FNDC1: variants seen among roughly 807,000 people sequenced by gnomAD.
FNDC1 encodes fibronectin type III domain-containing protein 1.
In FNDC1, 96 loss-of-function variants were observed where a neutral mutation model predicts 168.0. That is an observed-to-expected ratio of 0.57 (90% CI 0.48 to 0.68). The LOEUF (loss-of-function observed/expected upper bound fraction) is 0.68, where lower values mean the gene tolerates loss of function less well. Among genes scored for constraint, FNDC1 ranks in the 30% least tolerant of loss-of-function variants. The probability of loss-of-function intolerance (pLI) is 0.00; values close to 1 mark genes in which losing one functional copy is unlikely to be tolerated. For synonymous variants in FNDC1, 1,099 were observed against 1,025.9 expected, an observed-to-expected ratio of 1.07 and a Z score of -1.36; for missense variants, 2,587 against 2,482.1, an observed-to-expected ratio of 1.04 and a Z score of -0.90.
chr6:159,231,868 A>G lies in FNDC1; in HGVS notation c.1370-14A>G, dbSNP rs996733778. ...TTTCTTCTTTGACAGGCAATTCTTT[A>G]AAATCTGTTGCAGCCAGTAAGGCGG... On this transcript the variant is annotated splice_polypyrimidine_tract_variant and intron_variant, in intron 10 of 22. Transcript: ENST00000297267. 3.3e-5 allele frequency: 51 copies of G among 1,568,350 alleles called. No homozygotes were observed. The highest frequency in any genetic ancestry group is 4.3e-5 in the Non-Finnish European group (50 of 1,162,708).
intron 1 of FNDC1, among the ~76,000 whole-genome samples, chr6:159,175,109 G>T (rs569215135): frequency 7.2e-5 from 11 of 152,238 alleles, no homozygotes; most frequent in African/African-American, 2.4e-4. Flanking sequence ...TGGACGAAAT[G>T]ATTTAATTAT....
At chr6:159,253,115 A>C (rs951787628) in intron 17 of FNDC1, among the ~76,000 whole-genome samples, 7 of 152,176 alleles carry the variant, frequency 4.6e-5, no homozygotes, top group Admixed American at 6.5e-5. Flanking sequence ...CCCACCCTGC[A>C]CCTCATCTGA....
intron 1 of FNDC1, among the ~76,000 whole-genome samples, chr6:159,185,070 G>GGGA (rs1562628724): frequency 8.9e-6 from 1 of 112,378 alleles, no homozygotes; most frequent in East Asian, 3.4e-4. Context: ...TGGAGGGTGG[G>GGGA]GGGGGGGGAA....
At position 159,229,967 on chromosome 6, in the gene FNDC1, C is replaced by A. The variant is rs761112172; in HGVS notation, c.1333C>A (p.Pro445Thr). ...IRATNRRGLG[P>T]HSKAFIVAMP... The stretch of plus-strand genomic sequence containing the variant: ...GGCCACAAACAGGAGAGGCCTGGGA[C>A]CTCACTCCAAAGCCTTCATTGTCGC... The change falls in exon 10 of 23, where the codon CCT (proline) becomes ACT (threonine). Residue 445 changes from proline to threonine, a missense_variant. Pro to Thr is a conservative substitution (Grantham distance 38). Transcript: ENST00000297267. 2 of 1,613,880 alleles carry A rather than the reference C, an allele frequency of 1.2e-6. No individual in the cohort carries two copies. Among genetic ancestry groups the A allele is most frequent in the East Asian group, 2.2e-5 (1 of 44,886 alleles).
intron 6 of FNDC1, among the ~76,000 whole-genome samples, chr6:159,223,012 T>C (rs57496524): frequency 0.056 from 7,993 of 142,260 alleles, 785 homozygotes; most frequent in African/African-American, 0.19. Flanking sequence ...TTTTTTTTTT[T>C]GAGGTGGAGT....
At position 159,233,729 on chromosome 6, in the gene FNDC1, G is replaced by A; in HGVS notation, c.3217G>A (p.Glu1073Lys). 2.6e-6 allele frequency: 4 copies of A among 1,549,910 alleles called. No individual in the cohort carries two copies. Among genetic ancestry groups the A allele is most frequent in the East Asian group, 2.4e-5 (1 of 40,890 alleles). Residue 1073 changes from glutamate (E) to lysine (K), a missense_variant, in exon 11 of 23, where the codon GAG becomes AAG. Physicochemically the swap from Glu to Lys is moderately conservative, Grantham distance 56. Coordinates refer to ENST00000297267, the MANE Select transcript of FNDC1 (RefSeq NM_032532.3). This position sits in a 1 kb window ranked among gnomAD's most constrained non-coding sequence, Gnocchi z 4.6. Reference protein sequence around the residue: ...MLPTALQNQDEDAQGSYDDDS... With the variant: ...MLPTALQNQDKDAQGSYDDDS... ...CCCCACGGCCCTCCAGAACCAGGAC[G>A]AGGATGCCCAGGGCAGCTACGACGA...
At chr6:159,258,566 C>T (rs954067101) in intron 18 of FNDC1, among the ~76,000 whole-genome samples, 2 of 152,136 alleles carry the variant, frequency 1.3e-5, no homozygotes, top group African/African-American at 4.8e-5. Context: ...TGAGGAGAGG[C>T]GGGACAGACA....
At chr6:159,246,827 C>T (rs1777146324) in intron 14 of FNDC1, 74 bp from the exon 15 acceptor site, 4 of 1,040,296 alleles carry the variant, frequency 3.8e-6, no homozygotes, top group Non-Finnish European at 6.1e-6. Context: ...AATTGTCACG[C>T]TCTGGGGCCT....
intron 10 of FNDC1, 74 bp from the exon 11 acceptor site, chr6:159,231,808 A>T (rs560990): frequency 0.16 from 210,549 of 1,304,382 alleles, 21,567 homozygotes; most frequent in African/African-American, 0.41. Context: ...ATGCTGTTTT[A>T]AATACTGTGT....
rs956738359 is a variant in FNDC1, at chr6:159,246,760, A to G, written c.4622-141A>G. On this transcript the variant is annotated intron_variant, in intron 14 of 22. Coordinates refer to ENST00000297267, the MANE Select transcript of FNDC1 (RefSeq NM_032532.3). ...TGCTTTGATGATTTTCCTCCTGAAAAAATTATGGAGACCCTGGCCTTGGGG... is the reference window on the plus strand; with the variant it reads ...TGCTTTGATGATTTTCCTCCTGAAAGAATTATGGAGACCCTGGCCTTGGGG... The G allele has an allele frequency of 1.1e-5, 7 of 615,818 alleles. No individual in the cohort carries two copies. The African/African-American group carries it at 1.3e-4, about 11-fold the overall frequency. 38.1% of individuals were successfully genotyped at this position (615,818 alleles called of 1,614,324 possible). A position where few individuals can be genotyped will look rare whatever the true frequency, so the allele number is the denominator to read the frequency against.
chr6:159,232,509 C>T lies in FNDC1; in HGVS notation c.1997C>T (p.Pro666Leu). The change falls in exon 11 of 23, where the codon CCC (proline) becomes CTC (leucine). Residue 666 changes from proline to leucine, a missense_variant. By Grantham distance (98) the Pro-to-Leu change is moderately conservative. Transcript: ENST00000297267. The surrounding 1 kb of genome is among the most constrained non-coding windows in gnomAD (Gnocchi z 4.9). ...CACCCCAAGGGCGCCTTCGCCCAGC[C>T]CCGGCCAGCCCTGTCCCCCAGCCGC... ...SLHPKGAFAQ[P>L]RPALSPSRQS... 1.9e-6 allele frequency: 3 copies of T among 1,612,240 alleles called. No homozygotes were observed. Among genetic ancestry groups the T allele is most frequent in the South Asian group, 2.2e-5 (2 of 90,914 alleles).
intron 1 of FNDC1, among the ~76,000 whole-genome samples, chr6:159,191,586 A>G (rs1328657532): frequency 6.6e-6 from 1 of 152,252 alleles, no homozygotes; most frequent in African/African-American, 2.4e-5. Flanking sequence ...TACAACGATT[A>G]TGTGAGTGGT....
At chr6:159,171,985 C>G (rs1022585164) in intron 1 of FNDC1, among the ~76,000 whole-genome samples, 2 of 152,174 alleles carry the variant, frequency 1.3e-5, no homozygotes, top group Non-Finnish European at 2.9e-5. Flanking sequence ...CTGCGGGTGT[C>G]TTACTGAGAA....
chr6:159,236,709 A>G (rs1783269848), intron 12 of FNDC1, among the ~76,000 whole-genome samples: 1 of 152,260 alleles, frequency 6.6e-6, no homozygotes, highest in Admixed American at 6.5e-5. Flanking sequence ...AACATTACAC[A>G]TATTTTCTGT....
chr6:159,227,663 C>A, intron 9 of FNDC1, among the ~76,000 whole-genome samples: 1 of 115,710 alleles, frequency 8.6e-6, no homozygotes, highest in Non-Finnish European at 1.7e-5. Flanking sequence ...TTTTTTTTTG[C>A]CATTGGAATA....
At chr6:159,200,767 T>A (rs1782362889) in intron 4 of FNDC1, among the ~76,000 whole-genome samples, 186 bp downstream of exon 4, 1 of 152,242 alleles carries the variant, frequency 6.6e-6, no homozygotes, top group South Asian at 2.1e-4. Flanking sequence ...GTAACCAGTG[T>A]TGCTTATTGT....
chr6:159,237,288 G>T (rs917327294), intron 12 of FNDC1, among the ~76,000 whole-genome samples: 1 of 152,194 alleles, frequency 6.6e-6, no homozygotes, highest in African/African-American at 2.4e-5. Flanking sequence ...CCAGTAGCCT[G>T]AGTGTCTAAA....
At chr6:159,239,998 A>G in intron 14 of FNDC1, 41 bp downstream of exon 14, 2 of 1,448,612 alleles carry the variant, frequency 1.4e-6, no homozygotes, top group Non-Finnish European at 1.8e-6. Flanking sequence ...TACCAGGCAC[A>G]CTAGCACGCC....
intron 4 of FNDC1, 47 bp downstream of exon 4, chr6:159,200,628 C>T (rs758469261): frequency 2.0e-5 from 29 of 1,446,440 alleles, no homozygotes; most frequent in South Asian, 1.0e-4. Flanking sequence ...ACTGAAGCAT[C>T]GTCTCGCAAG....
Sources: allele counts gnomAD v4.1 joint callset (sites outside exome capture counted in the v4.1 genomes callset), GRCh38; gene constraint gnomAD v4.1.1; non-coding constraint Gnocchi (gnomAD v3.1); transcripts MANE v1.5; gene names NCBI Gene and HGNC (gene_info 2026-07-23, HGNC 2026-07-21).